Variants in EIF4ENIF1 observed in about 807,000 individuals in gnomAD.
The protein encoded by EIF4ENIF1 is eukaryotic translation initiation factor 4E transporter.
EIF4ENIF1 carries 23 observed loss-of-function variants against 110.5 expected under a neutral mutation model. The ratio of observed to expected loss-of-function variants is 0.21; its 90% CI spans 0.15 to 0.29. The LOEUF (loss-of-function observed/expected upper bound fraction) is 0.29. Ranked by LOEUF, EIF4ENIF1 falls within the 10% of genes least tolerant of loss-of-function variation. EIF4ENIF1 has a pLI of 1.00. For synonymous variants in EIF4ENIF1, 440 were observed against 437.0 expected, an observed-to-expected ratio of 1.01 and a Z score of -0.09; for missense variants, 1,031 against 1,221.1, an observed-to-expected ratio of 0.84 and a Z score of 2.32.
At chr22:31,468,874 A>G (rs2051276851) in intron 3 of EIF4ENIF1, among the ~76,000 whole-genome samples, 1 of 152,236 alleles carries the variant, frequency 6.6e-6, no homozygotes, top group Non-Finnish European at 1.5e-5. Context: ...ATACCTTGGC[A>G]TGCACATGGA....
chr22:31,464,699 A>AAAAAAAAT (rs1304121964), intron 4 of EIF4ENIF1, among the ~76,000 whole-genome samples: 50 of 39,106 alleles, frequency 1.3e-3, no homozygotes, highest in East Asian at 2.5e-3. Context: ...AAAAAAAAAA[A>AAAAAAAAT]ATATATATAT....
intron 15 of EIF4ENIF1, among the ~76,000 whole-genome samples, chr22:31,443,883 C>A (rs146148954): frequency 4.6e-5 from 7 of 151,132 alleles, no homozygotes; most frequent in African/African-American, 1.7e-4. Context: ...CAACCTCTGC[C>A]TCCTGGACTC....
At chr22:31,484,298 C>T (rs1011586885) in intron 2 of EIF4ENIF1, among the ~76,000 whole-genome samples, 1 of 152,094 alleles carries the variant, frequency 6.6e-6, no homozygotes, top group African/African-American at 2.4e-5. Context: ...CAAAAGGAAA[C>T]TCTGGTACAT....
At chr22:31,473,059 C>T (rs532348091) in intron 2 of EIF4ENIF1, among the ~76,000 whole-genome samples, 9 of 148,686 alleles carry the variant, frequency 6.1e-5, no homozygotes, top group African/African-American at 1.7e-4. Context: ...CACATATGAG[C>T]GAGCTTTTTT....
rs141831447 is a variant in EIF4ENIF1 at position 31,458,573 on chromosome 22, G to C, written c.865C>G (p.Gln289Glu). The change falls in exon 7 of 19, where the codon CAG becomes GAG. Residue 289 changes from glutamine (Q) to glutamate (E), a missense_variant. Gln to Glu is a conservative substitution (Grantham distance 29, BLOSUM62 2). This residue lies in a region of EIF4ENIF1 where 704 missense variants were observed against 879.7 expected (regional missense o/e 0.80). Coordinates refer to ENST00000330125, the MANE Select transcript of EIF4ENIF1 (RefSeq NM_019843.4). ...AAGACAGCATCCCTTGGCACTTCCT[G>C]ATCAGCCGCAGGCTCCTGTGCAAGG... The part of the protein sequence containing the change: ...VILAQEPAAD[Q>E]EVPRDAVLPE... The C allele has an allele frequency of 8.2e-4, 1,327 of 1,613,748 alleles. 1 individual carries two copies. The highest frequency in any genetic ancestry group is 1.4e-3 in the Admixed American group (83 of 60,000).
chr22:31,480,991 A>G (rs1240985348), intron 2 of EIF4ENIF1, among the ~76,000 whole-genome samples: 7 of 152,188 alleles, frequency 4.6e-5, no homozygotes, highest in Non-Finnish European at 4.4e-5. Context: ...TCAACCTGGG[A>G]GGTGGAGGTT....
intron 12 of EIF4ENIF1, among the ~76,000 whole-genome samples, chr22:31,448,741 A>G (rs977127333): frequency 2.6e-5 from 4 of 152,226 alleles, no homozygotes; most frequent in Non-Finnish European, 5.9e-5. Context: ...TCTTTCAGTC[A>G]CATTCTGAAT....
chr22:31,471,782 A>C, intron 3 of EIF4ENIF1, 62 bp downstream of exon 3: 1 of 1,384,208 alleles, frequency 7.2e-7, no homozygotes. Flanking sequence ...TTAATTTACC[A>C]AGTTTGGTAT....
chr22:31,463,316 C>G (rs531520185), intron 5 of EIF4ENIF1, among the ~76,000 whole-genome samples, 183 bp from the exon 6 acceptor site: 58 of 152,136 alleles, frequency 3.8e-4, no homozygotes, highest in South Asian at 1.2e-3. Context: ...CATGCCTGTT[C>G]TCAAAGTAAC....
chr22:31,482,635 T>G lies in EIF4ENIF1; in HGVS notation c.96+5988A>C, dbSNP rs1353153785. Among the ~76,000 whole-genome samples the G allele has an allele frequency of 3.3e-5, 5 of 149,944 alleles. No homozygotes were observed. In the East Asian group the frequency reaches 8.0e-4, roughly 24 times the overall value. On this transcript the variant is annotated intron_variant, in intron 2 of 18. Transcript: ENST00000330125. ...AAGCAGAGGTTGCAGTGAGCCAAGA[T>G]TGCAACACTGCACTCCAGCCTGGGT...
At chr22:31,465,532 G>A (rs565875744) in intron 4 of EIF4ENIF1, among the ~76,000 whole-genome samples, 465 of 152,288 alleles carry the variant, frequency 3.1e-3, no homozygotes, top group African/African-American at 0.011. Flanking sequence ...AAGTGCAGAT[G>A]AGGATGTTGG....
chr22:31,460,006 T>G (rs2050941548), intron 6 of EIF4ENIF1, among the ~76,000 whole-genome samples: 1 of 152,150 alleles, frequency 6.6e-6, no homozygotes, highest in Non-Finnish European at 1.5e-5. Context: ...AAAAACATAA[T>G]TTTTTCTCAC....
intron 17 of EIF4ENIF1, 149 bp from the exon 18 acceptor site, chr22:31,441,017 G>A: frequency 2.7e-6 from 3 of 1,100,272 alleles, no homozygotes; most frequent in Non-Finnish European, 2.6e-6. Flanking sequence ...AGCACTTTGG[G>A]AGGCCAAAGC....
At chr22:31,475,011 T>G (rs1477385556) in intron 2 of EIF4ENIF1, among the ~76,000 whole-genome samples, 1 of 152,204 alleles carries the variant, frequency 6.6e-6, no homozygotes, top group Non-Finnish European at 1.5e-5. Context: ...TCACTGGGTA[T>G]AGCATACCAT....
chr22:31,453,095 T>C (rs1315822795), intron 10 of EIF4ENIF1, among the ~76,000 whole-genome samples: 1 of 152,182 alleles, frequency 6.6e-6, no homozygotes, highest in African/African-American at 2.4e-5. Flanking sequence ...CTAGAATAAG[T>C]CCATGTTTAT....
chr22:31,440,220 G>A, intron 18 of EIF4ENIF1, 99 bp from the exon 19 acceptor site: 1 of 1,555,516 alleles, frequency 6.4e-7, no homozygotes. Context: ...CTTTACTAGA[G>A]GATTTTTTCT....
chr22:31,460,135 A>G (rs10483159), intron 6 of EIF4ENIF1, among the ~76,000 whole-genome samples: 6,006 of 152,308 alleles, frequency 0.039, 283 homozygotes, highest in African/African-American at 0.095. Flanking sequence ...TTACCTATCA[A>G]TTTCTTACAT....
At chr22:31,464,715 TA>T (rs1569088867) in intron 4 of EIF4ENIF1, among the ~76,000 whole-genome samples, 3 of 91,358 alleles carry the variant, frequency 3.3e-5, no homozygotes, top group Admixed American at 1.1e-4. Context: ...TATATATATA[TA>T]TATATATATA....
chr22:31,443,148 A>G (rs543353000), intron 15 of EIF4ENIF1, 54 bp from the exon 16 acceptor site: 1 of 1,596,438 alleles, frequency 6.3e-7, no homozygotes, highest in South Asian at 1.1e-5. Flanking sequence ...GTTCTCTAAT[A>G]CTAAGCCAGG....
Sources: gnomAD v4.1 joint callset for allele counts (sites outside exome capture counted in the v4.1 genomes callset) on GRCh38, gnomAD v4.1.1 for gene constraint, gnomAD v4.1.1 regional missense constraint, MANE v1.5 for transcripts, NCBI Gene and HGNC (gene_info 2026-07-23, HGNC 2026-07-21) for gene names.